Variants in HDAC9 observed in about 807,000 individuals in gnomAD.
HDAC9 encodes the protein MEF-2 interacting transcription repressor (MITR) protein.
In HDAC9, 41 loss-of-function variants were observed where a neutral mutation model predicts 139.4. That is an observed-to-expected ratio of 0.29 (90% CI 0.23 to 0.38). The LOEUF (loss-of-function observed/expected upper bound fraction) is 0.38, where lower values mean the gene tolerates loss of function less well. HDAC9 is among the 10% of genes least tolerant of loss of function. The pLI is 1.00. For missense variants in HDAC9, 1,147 were observed against 1,297.0 expected, an observed-to-expected ratio of 0.88 and a Z score of 1.78; for synonymous variants, 517 against 476.2, an observed-to-expected ratio of 1.09 and a Z score of -1.12.
intron 1 of HDAC9, among the ~76,000 whole-genome samples, chr7:18,420,136 A>C (rs117492392): frequency 6.6e-6 from 1 of 152,358 alleles, no homozygotes; most frequent in Non-Finnish European, 1.5e-5. Flanking sequence ...TTGGAAGGCC[A>C]GGCAGGAACA....
Position 18,591,497 on chromosome 7 carries a change from G to A in HDAC9, c.416-19G>A. The A allele has an allele frequency of 1.3e-6, 2 of 1,556,646 alleles. No homozygotes were observed. The highest frequency in any genetic ancestry group is 1.2e-5 in the South Asian group (1 of 84,474). ...TGTATGTGTGTGTGTGTGTGTGTGTGTGTGTGTGTGTATTTCAGGGGCAGT... is the reference window on the plus strand; with the variant it reads ...TGTATGTGTGTGTGTGTGTGTGTGTATGTGTGTGTGTATTTCAGGGGCAGT... On this transcript the variant is annotated intron_variant, in intron 4 of 25. Coordinates refer to ENST00000686413, the MANE Select transcript of HDAC9 (RefSeq NM_178425.4).
intron 1 of HDAC9, among the ~76,000 whole-genome samples, chr7:18,090,174 C>T (rs776442410): frequency 1.1e-4 from 17 of 152,168 alleles, no homozygotes; most frequent in Non-Finnish European, 1.8e-4. Flanking sequence ...ACTGATATAC[C>T]CAACGTTACA....
chr7:18,893,269 G>A (rs918891478), intron 22 of HDAC9, among the ~76,000 whole-genome samples: 2 of 152,056 alleles, frequency 1.3e-5, no homozygotes, highest in African/African-American at 4.8e-5. Context: ...CTGTAGTTGT[G>A]TAGTTTGTGC....
chr7:18,303,292 A>G (rs185019824), intron 1 of HDAC9, among the ~76,000 whole-genome samples: 2 of 151,012 alleles, frequency 1.3e-5, no homozygotes, highest in African/African-American at 4.9e-5. Context: ...ATCTCGGCTC[A>G]CTGCAAGCTC....
intron 22 of HDAC9, among the ~76,000 whole-genome samples, chr7:18,924,229 T>C (rs1199595357): frequency 6.6e-6 from 1 of 152,132 alleles, no homozygotes; most frequent in Non-Finnish European, 1.5e-5. Context: ...AAATATTCTT[T>C]AAGTATTTCT....
chr7:18,699,783 T>G (rs1307204735), intron 12 of HDAC9, among the ~76,000 whole-genome samples: 2 of 152,146 alleles, frequency 1.3e-5, no homozygotes, highest in Admixed American at 1.3e-4. Context: ...ATTTTAATAC[T>G]ACTGAGGATT....
chr7:18,235,549 A>G (rs920005355), intron 2 of HDAC9, among the ~76,000 whole-genome samples: 1 of 152,218 alleles, frequency 6.6e-6, no homozygotes, highest in African/African-American at 2.4e-5. Flanking sequence ...GTGAGTATTT[A>G]CAAGAAAAAA....
chr7:18,412,177 C>A (rs549113926), intron 1 of HDAC9, among the ~76,000 whole-genome samples: 2 of 152,208 alleles, frequency 1.3e-5, no homozygotes, highest in African/African-American at 4.8e-5. Flanking sequence ...GTTATAACCC[C>A]ATCCTAAGTG....
intron 22 of HDAC9, among the ~76,000 whole-genome samples, chr7:18,893,299 C>T (rs551076104): frequency 5.3e-4 from 80 of 152,114 alleles, no homozygotes; most frequent in African/African-American, 1.8e-3. Context: ...GGGGCAGCAG[C>T]GTGAAGGAAC....
At chr7:18,301,886 A>G (rs930062574) in intron 1 of HDAC9, among the ~76,000 whole-genome samples, 6 of 152,204 alleles carry the variant, frequency 3.9e-5, no homozygotes, top group Non-Finnish European at 8.8e-5. Flanking sequence ...TATTCCCTCT[A>G]AATCACCATA....
At chr7:18,450,313 A>G (rs1380626249) in intron 1 of HDAC9, among the ~76,000 whole-genome samples, 1 of 152,194 alleles carries the variant, frequency 6.6e-6, no homozygotes, top group Non-Finnish European at 1.5e-5. Context: ...TACTGATTCA[A>G]CCCTAGCTCT....
intron 16 of HDAC9, among the ~76,000 whole-genome samples, chr7:18,784,325 G>T (rs1029492175): frequency 6.6e-6 from 1 of 151,600 alleles, no homozygotes; most frequent in East Asian, 1.9e-4. Context: ...TGATCCTCCC[G>T]CCTCAGCTTT....
intron 1 of HDAC9, among the ~76,000 whole-genome samples, chr7:18,151,419 T>G (rs565131681): frequency 1.3e-5 from 2 of 152,328 alleles, no homozygotes; most frequent in African/African-American, 4.8e-5. Context: ...TGGTTCTGAG[T>G]GAGTTAGCTT....
chr7:18,471,369 A>G (rs143572963), intron 1 of HDAC9, among the ~76,000 whole-genome samples: 32 of 152,218 alleles, frequency 2.1e-4, no homozygotes, highest in African/African-American at 6.7e-4. Context: ...CTTTTACACA[A>G]TACCTTTTAG....
chr7:18,119,694 A>G (rs939108605), intron 1 of HDAC9, among the ~76,000 whole-genome samples: 1 of 152,232 alleles, frequency 6.6e-6, no homozygotes, highest in African/African-American at 2.4e-5. Flanking sequence ...TATACCTGTC[A>G]TGGTAAAGTG....
chr7:18,148,333 G>C (rs1786501055), intron 1 of HDAC9, among the ~76,000 whole-genome samples: 1 of 152,116 alleles, frequency 6.6e-6, no homozygotes, highest in South Asian at 2.1e-4. Flanking sequence ...CACATTCCTT[G>C]GATCATGGTC....
intron 12 of HDAC9, among the ~76,000 whole-genome samples, chr7:18,677,882 A>G (rs979993173): frequency 5.3e-5 from 8 of 151,852 alleles, no homozygotes; most frequent in East Asian, 1.9e-4. Flanking sequence ...TTGTTCTTCT[A>G]TGGTTAGTGC....
chr7:18,270,116 A>G (rs777245119), intron 2 of HDAC9, among the ~76,000 whole-genome samples: 2 of 152,022 alleles, frequency 1.3e-5, no homozygotes, highest in Non-Finnish European at 2.9e-5. Context: ...AGGCATTGCT[A>G]GATGTCCCCC....
intron 12 of HDAC9, among the ~76,000 whole-genome samples, chr7:18,713,993 G>T (rs569313397): frequency 2.0e-5 from 3 of 152,242 alleles, no homozygotes; most frequent in East Asian, 1.9e-4. Flanking sequence ...TACTATGAAC[G>T]TTTAAATAAC....
Sources: gnomAD v4.1 joint callset for allele counts (sites outside exome capture counted in the v4.1 genomes callset) on GRCh38, gnomAD v4.1.1 for gene constraint, MANE v1.5 for transcripts, NCBI Gene and HGNC (gene_info 2026-07-23, HGNC 2026-07-21) for gene names.